The following PRELID2 variants were observed in gnomAD, a reference collection of about 807,000 sequenced individuals.
The protein encoded by PRELID2 is PRELI domain containing 2, also known as PRELI domain-containing protein 2.
In PRELID2, 25 loss-of-function variants were observed where a neutral mutation model predicts 28.4. The ratio of observed to expected loss-of-function variants is 0.88; its 90% CI spans 0.64 to 1.23. The LOEUF (loss-of-function observed/expected upper bound fraction) is 1.23. PRELID2 is among the 50% of genes most tolerant of loss of function. PRELID2 has a pLI of 0.00. For missense variants in PRELID2, 201 were observed against 214.4 expected, an observed-to-expected ratio of 0.94 and a Z score of 0.39; for synonymous variants, 76 against 71.6, an observed-to-expected ratio of 1.06 and a Z score of -0.31.
chr5:145,463,724 C>A, the PRELID2 span, among the ~76,000 whole-genome samples: 3 of 152,058 alleles, frequency 2.0e-5, no homozygotes, highest in African/African-American at 7.2e-5. Flanking sequence ...GTATTGCCAG[C>A]ATTAAGGCTC....
At chr5:145,384,809 C>T in the PRELID2 span, among the ~76,000 whole-genome samples, 2 of 152,264 alleles carry the variant, frequency 1.3e-5, no homozygotes, top group East Asian at 3.9e-4. Context: ...ACATTTTAAA[C>T]AGCAGGCTCT....
chr5:145,776,764 A>T (rs1259567392), intron 5 of PRELID2, among the ~76,000 whole-genome samples: 1 of 152,208 alleles, frequency 6.6e-6, no homozygotes, highest in Non-Finnish European at 1.5e-5. Flanking sequence ...AAGTTGTTCT[A>T]CTATTTCAGT....
chr5:145,347,556 T>C, the PRELID2 span, among the ~76,000 whole-genome samples: 20 of 152,278 alleles, frequency 1.3e-4, no homozygotes, highest in Non-Finnish European at 2.8e-4. Context: ...TAAGGGTTTG[T>C]GGTGGCTATT....
rs542493771 is a variant in PRELID2 at position 145,703,744 on chromosome 5, A to T, written n.70+61187T>A. Reference sequence around the variant, plus strand: ...ATAGTTAGAGGGAGAAAGGGAGAAGACAGGAATGGGTACTGGAGCATCACA... The same window carrying T: ...ATAGTTAGAGGGAGAAAGGGAGAAGTCAGGAATGGGTACTGGAGCATCACA... On this transcript the variant is annotated intron_variant and non_coding_transcript_variant, in intron 1 of 2. Transcript: ENST00000510259. Among the ~76,000 whole-genome samples the T allele has an allele frequency of 1.3e-4, 20 of 152,320 alleles. No homozygotes were observed. In the South Asian group the frequency reaches 4.1e-3, roughly 32 times the overall value.
At chr5:145,647,193 C>CT (rs2149668138) in intron 1 of PRELID2, among the ~76,000 whole-genome samples, 1 of 152,300 alleles carries the variant, frequency 6.6e-6, no homozygotes, top group East Asian at 1.9e-4. Flanking sequence ...GGGCTGCTGC[C>CT]TTTTTTTCAG....
intron 1 of PRELID2, among the ~76,000 whole-genome samples, chr5:145,481,806 G>T (rs1490953539): frequency 6.6e-6 from 1 of 151,990 alleles, no homozygotes; most frequent in Non-Finnish European, 1.5e-5. Context: ...TCTAGGAAAG[G>T]TTTAACTATT....
chr5:145,744,512 G>T (rs890813167), intron 1 of PRELID2, among the ~76,000 whole-genome samples: 10 of 151,888 alleles, frequency 6.6e-5, no homozygotes, highest in Non-Finnish European at 1.0e-4. Context: ...ACCCATCTGT[G>T]ACATTTTCCA....
chr5:145,645,546 A>G (rs1480632185), intron 1 of PRELID2, among the ~76,000 whole-genome samples: 3 of 151,766 alleles, frequency 2.0e-5, no homozygotes, highest in Non-Finnish European at 4.4e-5. Flanking sequence ...TAAGGTTAAC[A>G]TTGTTATGTG....
chr5:145,533,491 C>A (rs113447273), intron 1 of PRELID2, among the ~76,000 whole-genome samples: 2,056 of 152,074 alleles, frequency 0.014, 52 homozygotes, highest in African/African-American at 0.047. Flanking sequence ...TTTGAGCAGA[C>A]CAAAAATAGA....
At chr5:145,716,406 C>T (rs948592946) in intron 1 of PRELID2, among the ~76,000 whole-genome samples, 6 of 152,152 alleles carry the variant, frequency 3.9e-5, no homozygotes, top group Non-Finnish European at 7.4e-5. Flanking sequence ...TGTCTTGACA[C>T]TTCTATATCA....
chr5:145,602,319 A>C (rs1373238278), intron 1 of PRELID2, among the ~76,000 whole-genome samples: 3 of 152,252 alleles, frequency 2.0e-5, no homozygotes, highest in Non-Finnish European at 4.4e-5. Context: ...GAAGGAATTA[A>C]TGCTAAAAGT....
the PRELID2 span, among the ~76,000 whole-genome samples, chr5:145,300,655 C>T: frequency 1.3e-5 from 2 of 149,244 alleles, no homozygotes; most frequent in Non-Finnish European, 3.0e-5. Context: ...ACCAAGATTA[C>T]AAGTAACATT....
At chr5:145,457,178 T>TGA in the PRELID2 span, among the ~76,000 whole-genome samples, 1 of 152,148 alleles carries the variant, frequency 6.6e-6, no homozygotes, top group South Asian at 2.1e-4. Context: ...AAAAAGAGCA[T>TGA]GAGCTTACTT....
Position 145,660,368 on chromosome 5 carries a change from G to A in PRELID2, n.70+104563C>T, listed in dbSNP as rs1205796517. On this transcript the variant is annotated intron_variant and non_coding_transcript_variant, in intron 1 of 2. Transcript: ENST00000510259. The stretch of plus-strand genomic sequence containing the variant: ...AATTGTCGCAATCCAGCCCAAGGCA[G>A]GACCACACTACTGTGTCTTTCTTTC... 3.3e-5 allele frequency among the ~76,000 whole-genome samples: 5 copies of A among 152,172 alleles called. No homozygotes were observed. In the South Asian group the frequency reaches 1.0e-3, roughly 32 times the overall value.
the PRELID2 span, among the ~76,000 whole-genome samples, chr5:145,346,706 C>T: frequency 6.6e-6 from 1 of 152,096 alleles, no homozygotes; most frequent in Non-Finnish European, 1.5e-5. Flanking sequence ...TTCAAGAGAA[C>T]ACTATACTCT....
intron 5 of PRELID2, among the ~76,000 whole-genome samples, chr5:145,784,607 A>C (rs1751863383): frequency 6.6e-6 from 1 of 152,230 alleles, no homozygotes; most frequent in African/African-American, 2.4e-5. Flanking sequence ...TCAAAAATTT[A>C]TTCCAATATT....
At chr5:145,719,103 T>C (rs1755918386) in intron 1 of PRELID2, among the ~76,000 whole-genome samples, 1 of 151,714 alleles carries the variant, frequency 6.6e-6, no homozygotes. Context: ...AAAGTACAAA[T>C]AAAACCACAG....
intron 1 of PRELID2, among the ~76,000 whole-genome samples, chr5:145,595,825 T>C (rs979858116): frequency 2.6e-5 from 4 of 152,188 alleles, no homozygotes; most frequent in African/African-American, 9.6e-5. Flanking sequence ...TTAAAATTCA[T>C]TTCCATCATA....
the PRELID2 span, among the ~76,000 whole-genome samples, chr5:145,317,638 T>C: frequency 6.6e-6 from 1 of 152,166 alleles, no homozygotes; most frequent in Non-Finnish European, 1.5e-5. Context: ...CCAGAGTATT[T>C]CTCTCCTCTC....
Sources: gnomAD v4.1 joint callset for allele counts (sites outside exome capture counted in the v4.1 genomes callset) on GRCh38, gnomAD v4.1.1 for gene constraint, MANE v1.5 for transcripts, NCBI Gene and HGNC (gene_info 2026-07-23, HGNC 2026-07-21) for gene names.